Variants in TRIM31 observed in about 807,000 individuals in gnomAD.
TRIM31 encodes tripartite motif containing 31.
Under a neutral mutation model 40.6 loss-of-function variants are expected in TRIM31, and 31 were observed. The ratio of observed to expected loss-of-function variants is 0.76; its 90% CI spans 0.57 to 1.03. The LOEUF (loss-of-function observed/expected upper bound fraction) is 1.03, where lower values mean the gene tolerates loss of function less well. Ranked by LOEUF, TRIM31 falls within the 50% of genes least tolerant of loss-of-function variation. The pLI is 0.00. For missense variants in TRIM31, 455 were observed against 497.5 expected (o/e 0.91, Z 0.81); for synonymous variants, 164 against 193.9 (o/e 0.85, Z 1.28).
chr6:30,108,110 G>GT lies in TRIM31; in HGVS notation c.825dup (p.Leu276ThrfsTer3). 1.9e-6 allele frequency: 3 copies of GT among 1,612,044 alleles called. No individual in the cohort carries two copies. Among genetic ancestry groups the GT allele is most frequent in the Non-Finnish European group, 2.5e-6 (3 of 1,179,112 alleles). On this transcript the variant is annotated frameshift_variant, in exon 6 of 9. Coordinates refer to ENST00000376734, the MANE Select transcript of TRIM31 (RefSeq NM_007028.5). LOFTEE classifies it high-confidence loss of function. ...TCATGTCTTGATTTTGCTTCACTGA[G>GT]TTTTTTCTCCAGTTCCAGAGGAACA...
chr6:30,105,684 C>A (rs1768611073), intron 6 of TRIM31: 1 of 154,118 alleles, frequency 6.5e-6, no homozygotes, highest in African/African-American at 2.4e-5. Flanking sequence ...TGATTCTTCA[C>A]ATATAGCATG....
chr6:30,112,869 G>T lies in TRIM31; in HGVS notation c.-64C>A. The T allele has an allele frequency of 6.7e-7, 1 of 1,489,736 alleles. No individual in the cohort carries two copies. Among genetic ancestry groups the T allele is most frequent in the Non-Finnish European group, 9.0e-7 (1 of 1,114,218 alleles). The allele number at this position is 1,489,736 out of a possible 1,614,324, so 92.3% of individuals were successfully genotyped here. On this transcript the variant is annotated 5_prime_UTR_variant, in exon 2 of 9. Coordinates refer to ENST00000376734, the MANE Select transcript of TRIM31 (RefSeq NM_007028.5). Reference sequence around the variant, plus strand: ...GTGCCAAGTCTGTAGGAGCCCCGGAGTCCACTGTGGATACTGTTTCTAGGA... The same window carrying T: ...GTGCCAAGTCTGTAGGAGCCCCGGATTCCACTGTGGATACTGTTTCTAGGA...
chr6:30,110,114 GATA>G (rs1380712418), intron 4 of TRIM31, among the ~76,000 whole-genome samples: 3 of 150,770 alleles, frequency 2.0e-5, no homozygotes, highest in Admixed American at 6.6e-5. Flanking sequence ...AGGCTGAAAG[GATA>G]ATATTTCAGA....
At chr6:30,105,535 G>A (rs1768594087) in intron 6 of TRIM31, 1 of 231,808 alleles carries the variant, frequency 4.3e-6, no homozygotes, top group African/African-American at 2.2e-5. Context: ...CATTTAAAAA[G>A]TAGAAAGAAA....
Position 30,103,509 on chromosome 6 carries a change from A to T in TRIM31, c.*27T>A, listed in dbSNP as rs1270824391. 1 of 1,611,108 alleles carries T rather than the reference A, an allele frequency of 6.2e-7. No individual in the cohort carries two copies. On this transcript the variant is annotated 3_prime_UTR_variant, in exon 9 of 9. Coordinates refer to ENST00000376734, the MANE Select transcript of TRIM31 (RefSeq NM_007028.5). ...TATGCTCCGAAGTCCGTGTAGCACC[A>T]CCGCTCCCCGTGTTCTCTGAGCTGG...
chr6:30,105,273 A>G, intron 6 of TRIM31, 31 bp from the exon 7 acceptor site: 1 of 1,574,938 alleles, frequency 6.3e-7, no homozygotes, highest in Non-Finnish European at 8.7e-7. Context: ...TGAAATGGTG[A>G]GAGTCCAGAG....
In TRIM31 at chr6:30,103,534, G is replaced by C. The variant is rs200420840; in HGVS notation, c.*2C>G. 1,413 of 1,612,474 alleles carry C rather than the reference G, an allele frequency of 8.8e-4. 1 individual carries two copies. The highest frequency in any genetic ancestry group is 1.1e-3 in the Non-Finnish European group (1,323 of 1,179,650). ...ACCGCTCCCCGTGTTCTCTGAGCTG[G>C]CTTAGCTTGAAGGAACCTCACAAAA... On this transcript the variant is annotated 3_prime_UTR_variant, in exon 9 of 9. Coordinates refer to ENST00000376734, the MANE Select transcript of TRIM31 (RefSeq NM_007028.5).
chr6:30,103,774 G>A lies in TRIM31; in HGVS notation c.1040C>T (p.Ser347Leu). 2 of 1,613,018 alleles carry A rather than the reference G, an allele frequency of 1.2e-6. No homozygotes were observed. The highest frequency in any genetic ancestry group is 1.7e-5 in the Admixed American group (1 of 60,016). ...GSSSAGGRTT[S>L]GPPNHHSSAP... ...TGAAGAGTGGTGATTTGGTGGCCCC[G>A]ATGTAGTTCTGCCGCCTTTGCGGGA... The change falls in exon 9 of 9, where the codon TCG becomes TTG. Residue 347 changes from serine (S) to leucine (L), a missense_variant. Coordinates refer to ENST00000376734, the MANE Select transcript of TRIM31 (RefSeq NM_007028.5).
chr6:30,109,113 A>T (rs1769040359), intron 4 of TRIM31, 65 bp from the exon 5 acceptor site: 2 of 1,553,162 alleles, frequency 1.3e-6, no homozygotes. Context: ...CAAGGAGGAG[A>T]TACAGAGCCT....
Position 30,110,459 on chromosome 6 carries a change from G to C in TRIM31, c.733C>G (p.Gln245Glu). 6.2e-7 allele frequency: 1 copy of C among 1,614,142 alleles called. No individual in the cohort carries two copies. Among genetic ancestry groups the C allele is most frequent in the Non-Finnish European group, 8.5e-7 (1 of 1,180,024 alleles). Reference protein sequence around the residue: ...LKTKQNMPPRQLLEDIKVVLC... With the variant: ...LKTKQNMPPRELLEDIKVVLC... ...CCCAAGGGACTCACCTCCAGCAGCT[G>C]CCTGGGTGGCATGTTCTGCTTGGTC... Residue 245 changes from glutamine to glutamate, a missense_variant, in exon 4 of 9, where the codon CAG (glutamine) becomes GAG (glutamate). Transcript: ENST00000376734.
chr6:30,105,183 T>C lies in TRIM31; in HGVS notation c.943A>G (p.Asn315Asp). Residue 315 changes from asparagine (N) to aspartate (D), a missense_variant, in exon 7 of 9, where the codon AAT becomes GAT. Physicochemically the swap from Asn to Asp is conservative, Grantham distance 23. Coordinates refer to ENST00000376734, the MANE Select transcript of TRIM31 (RefSeq NM_007028.5). ...ENRFFKSMNK[N>D]DMKSWGLLQK... ...TCTCACTTACAGCTCTTCATGTCATTTTTATTCATGCTTTTGAAGAATCTG... is the reference window on the plus strand; with the variant it reads ...TCTCACTTACAGCTCTTCATGTCATCTTTATTCATGCTTTTGAAGAATCTG... 6.2e-7 allele frequency: 1 copy of C among 1,612,822 alleles called. No individual in the cohort carries two copies. The highest frequency in any genetic ancestry group is 1.1e-5 in the South Asian group (1 of 90,980).
chr6:30,112,799 T>G lies in TRIM31; in HGVS notation c.7A>C (p.Ser3Arg). Reference protein sequence around the residue: MASGQFVNKLQEE... With the variant: MARGQFVNKLQEE... ...TGCAGTTTGTTCACAAACTGCCCAC[T>G]GGCCATGACAGAACAACAGGGCTGT... Residue 3 changes from serine to arginine, a missense_variant, in exon 2 of 9, where the codon AGT (serine) becomes CGT (arginine). Physicochemically the swap from Ser to Arg is moderately radical, Grantham distance 110 (BLOSUM62 -1). Coordinates refer to ENST00000376734, the MANE Select transcript of TRIM31 (RefSeq NM_007028.5). The G allele has an allele frequency of 6.2e-7, 1 of 1,604,396 alleles. No individual in the cohort carries two copies. The highest frequency in any genetic ancestry group is 8.5e-7 in the Non-Finnish European group (1 of 1,175,782).
In TRIM31 at chr6:30,103,441, T is replaced by C. The variant is rs1582475252; in HGVS notation, c.*95A>G. On this transcript the variant is annotated 3_prime_UTR_variant, in exon 9 of 9. Transcript: ENST00000376734. ...ACTCCTTCGACCCAATTCCACTAAGTCAAGAACCGTGGTCGGTCTCAGCCA... is the reference window on the plus strand; with the variant it reads ...ACTCCTTCGACCCAATTCCACTAAGCCAAGAACCGTGGTCGGTCTCAGCCA... 1 of 1,558,178 alleles carries C rather than the reference T, an allele frequency of 6.4e-7. No homozygotes were observed. The highest frequency in any genetic ancestry group is 2.3e-5 in the East Asian group (1 of 44,440).
intron 8 of TRIM31, 127 bp downstream of exon 8, chr6:30,103,975 T>G: frequency 7.2e-7 from 1 of 1,382,316 alleles, no homozygotes; most frequent in Non-Finnish European, 1.0e-6. Context: ...GGGGAGGAAC[T>G]GAGGAAATGG....
intron 4 of TRIM31, 62 bp from the exon 5 acceptor site, chr6:30,109,110 G>A (rs1345056124): frequency 6.4e-7 from 1 of 1,565,712 alleles, no homozygotes; most frequent in African/African-American, 1.4e-5. Flanking sequence ...AGCCAAGGAG[G>A]AGATACAGAG....
intron 3 of TRIM31, 86 bp downstream of exon 3, chr6:30,111,562 C>G (rs1190229726): frequency 7.4e-7 from 1 of 1,358,626 alleles, no homozygotes; most frequent in East Asian, 2.3e-5. Flanking sequence ...GGATCTTTTT[C>G]TGAGGGGTCA....
chr6:30,104,353 C>T (rs1346677084), intron 7 of TRIM31, among the ~76,000 whole-genome samples, 186 bp from the exon 8 acceptor site: 1 of 152,160 alleles, frequency 6.6e-6, no homozygotes, highest in African/African-American at 2.4e-5. Context: ...GTGTGGTTCT[C>T]TACTGGCTTA....
chr6:30,106,603 A>G (rs1053521953), intron 6 of TRIM31, among the ~76,000 whole-genome samples: 1 of 151,934 alleles, frequency 6.6e-6, no homozygotes, highest in African/African-American at 2.4e-5. Flanking sequence ...AAGAGAAAAA[A>G]AAAAGAAGGA....
rs374444776 is a variant in TRIM31 at position 30,110,612 on chromosome 6, C to T, written c.580G>A (p.Glu194Lys). 6.8e-6 allele frequency: 11 copies of T among 1,614,122 alleles called. No homozygotes were observed. The highest frequency in any genetic ancestry group is 5.3e-5 in the African/African-American group (4 of 74,934). Residue 194 changes from glutamate (E) to lysine (K), a missense_variant, in exon 4 of 9, where the codon GAG becomes AAG. Physicochemically the swap from Glu to Lys is moderately conservative, Grantham distance 56 (BLOSUM62 1). Transcript: ENST00000376734. ...EFELLHQVLE[E>K]EKNFLLSRIY... ...CGTGATAGCAGGAAATTCTTCTCCT[C>T]CTCTAGGACTTGATGCAGGAGTTCA... is the stretch of plus-strand genomic sequence containing the variant.
Sources: allele counts gnomAD v4.1 joint callset (sites outside exome capture counted in the v4.1 genomes callset), GRCh38; gene constraint gnomAD v4.1.1; transcripts MANE v1.5; gene names NCBI Gene and HGNC (gene_info 2026-07-23, HGNC 2026-07-21).